Variants in LYSMD2 observed in about 807,000 individuals in gnomAD.
LYSMD2 encodes lysM and putative peptidoglycan-binding domain-containing protein 2.
A neutral mutation model predicts 17.7 loss-of-function variants in LYSMD2; 6 were observed. The ratio of observed to expected loss-of-function variants is 0.34; its 90% CI spans 0.19 to 0.67. The LOEUF (loss-of-function observed/expected upper bound fraction) is 0.67. Ranked by LOEUF, LYSMD2 falls within the 30% of genes least tolerant of loss-of-function variation. LYSMD2 has a pLI of 0.69. For synonymous variants in LYSMD2, 102 were observed against 129.8 expected, an observed-to-expected ratio of 0.79 and a Z score of 1.45; for missense variants, 237 against 286.7, an observed-to-expected ratio of 0.83 and a Z score of 1.25.
intron 1 of LYSMD2, among the ~76,000 whole-genome samples, chr15:51,729,836 G>C (rs2055565534): frequency 6.6e-6 from 1 of 152,222 alleles, no homozygotes; most frequent in Admixed American, 6.5e-5. Flanking sequence ...ATAAAGCTAA[G>C]AAAAGTCATG....
At chr15:51,735,817 C>A (rs1428282684) in intron 1 of LYSMD2, among the ~76,000 whole-genome samples, 1 of 152,142 alleles carries the variant, frequency 6.6e-6, no homozygotes, top group South Asian at 2.1e-4. Flanking sequence ...AGAGATTGCA[C>A]GGGAAGACAG....
chr15:51,737,684 C>G (rs920880825), upstream of LYSMD2: 3 of 1,070,114 alleles, frequency 2.8e-6, no homozygotes, highest in East Asian at 1.1e-4. This position sits in a 1 kb window ranked among gnomAD's most constrained non-coding sequence, Gnocchi z 4.2. Flanking sequence ...CCTCCTCCTC[C>G]GCCGCCGCCG....
chr15:51,724,914 G>T lies in LYSMD2; in HGVS notation c.481C>A (p.Pro161Thr). The T allele has an allele frequency of 6.2e-7, 1 of 1,614,126 alleles. No individual in the cohort carries two copies. Among genetic ancestry groups the T allele is most frequent in the Non-Finnish European group, 8.5e-7 (1 of 1,179,992 alleles). ...VAGEDLPPPS[P>T]QESDVQPVQP... ...ACAGGCTGAACATCAGATTCTTGAG[G>T]ACTGGGAGGAGGGAGGTCTTCCCCG... Residue 161 changes from proline to threonine, a missense_variant, in exon 2 of 3, where the codon CCT becomes ACT. Pro to Thr is a conservative substitution (Grantham distance 38). Coordinates refer to ENST00000267838, the MANE Select transcript of LYSMD2 (RefSeq NM_153374.3).
rs2055529427 is a variant in LYSMD2, at chr15:51,725,017, A to G, written c.378T>C (p.Asn126=). 1 of 1,614,082 alleles carries G rather than the reference A, an allele frequency of 6.2e-7. No homozygotes were observed. Among genetic ancestry groups the G allele is most frequent in the Non-Finnish European group, 8.5e-7 (1 of 1,179,890 alleles). Reference sequence around the variant, plus strand: ...CTGGAGAATCAATGGAGTTAAGTCCATTAAACAACAAAGGCTTCTCTGATA... The same window carrying G: ...CTGGAGAATCAATGGAGTTAAGTCCGTTAAACAACAAAGGCTTCTCTGATA... The part of the protein sequence containing the change: ...PVISEKPLLF[N]GLNSIDSPEN... The change falls in exon 2 of 3, where the codon AAT becomes AAC. Residue 126 remains asparagine, a synonymous_variant. Transcript: ENST00000267838.
intron 1 of LYSMD2, among the ~76,000 whole-genome samples, chr15:51,744,883 A>C (rs2055659659): frequency 6.6e-6 from 1 of 152,150 alleles, no homozygotes; most frequent in African/African-American, 2.4e-5. Context: ...AGTCTGACCA[A>C]GAAAAAAAAG....
chr15:51,738,728 T>C (rs1001874831), upstream of LYSMD2, among the ~76,000 whole-genome samples: 1 of 152,288 alleles, frequency 6.6e-6, no homozygotes, highest in East Asian at 1.9e-4. Flanking sequence ...TATGTTGCTG[T>C]GCTGGACAGA....
chr15:51,742,279 A>T (rs941178473), upstream of LYSMD2, among the ~76,000 whole-genome samples: 1 of 152,146 alleles, frequency 6.6e-6, no homozygotes, highest in South Asian at 2.1e-4. Context: ...ACGTCAGGTG[A>T]TCTACCCACC....
At chr15:51,735,638 T>C (rs1346207736) in intron 1 of LYSMD2, among the ~76,000 whole-genome samples, 1 of 152,256 alleles carries the variant, frequency 6.6e-6, no homozygotes, top group Non-Finnish European at 1.5e-5. Flanking sequence ...AAATCTGATC[T>C]ACACTTTAAT....
rs369713086 is a variant in LYSMD2 at position 51,750,544 on chromosome 15, C to A, written c.-1+727G>T. Among the ~76,000 whole-genome samples the A allele has an allele frequency of 9.2e-5, 14 of 152,296 alleles. No individual in the cohort carries two copies. In the East Asian group the frequency reaches 2.1e-3, roughly 23 times the overall value. On this transcript the variant is annotated intron_variant, in intron 1 of 2. Transcript: ENST00000454181. The stretch of plus-strand genomic sequence containing the variant: ...TGAAACACTGCATAGCAGCAACTTG[C>A]AAAACTCAACGAACCTTAGACTGCC...
At chr15:51,748,998 C>A (rs1215823353) in intron 1 of LYSMD2, among the ~76,000 whole-genome samples, 1 of 152,210 alleles carries the variant, frequency 6.6e-6, no homozygotes, top group Non-Finnish European at 1.5e-5. Flanking sequence ...TTGACAATTA[C>A]AGTCAATATA....
intron 1 of LYSMD2, among the ~76,000 whole-genome samples, 182 bp from the exon 2 acceptor site, chr15:51,725,303 T>C (rs1462675209): frequency 6.6e-6 from 1 of 152,248 alleles, no homozygotes; most frequent in African/African-American, 2.4e-5. Flanking sequence ...CAAGAGATGT[T>C]GGAGAATTGT....
upstream of LYSMD2, among the ~76,000 whole-genome samples, chr15:51,741,588 C>T (rs1017741357): frequency 1.3e-5 from 2 of 152,138 alleles, no homozygotes; most frequent in African/African-American, 4.8e-5. Context: ...ATAAAATTCA[C>T]CATTTTAACT....
chr15:51,737,929 C>G (rs946787526), upstream of LYSMD2: 3 of 212,648 alleles, frequency 1.4e-5, no homozygotes, highest in African/African-American at 6.9e-5. This position sits in a 1 kb window ranked among gnomAD's most constrained non-coding sequence, Gnocchi z 4.2. Context: ...AGCGCTGAAG[C>G]CCGCGGCCGT....
In LYSMD2 at chr15:51,737,478, T is replaced by C. The variant is rs1465684207; in HGVS notation, c.145A>G (p.Thr49Ala). ...ELSLSLARTK[T>A]RSYGSTASVR... ...CTGGCGGTGCTGCCGTACGAGCGGG[T>C]CTTGGTGCGGGCCAGGCTCAGCGAC... Residue 49 changes from threonine (T) to alanine (A), a missense_variant, in exon 1 of 3, where the codon ACC becomes GCC. Coordinates refer to ENST00000267838, the MANE Select transcript of LYSMD2 (RefSeq NM_153374.3). This position sits in a 1 kb window ranked among gnomAD's most constrained non-coding sequence, Gnocchi z 4.2. 14 of 1,416,066 alleles carry C rather than the reference T, an allele frequency of 9.9e-6. No homozygotes were observed. In the South Asian group the frequency reaches 1.8e-4, roughly 19 times the overall value. The allele number at this position is 1,416,066 out of a possible 1,614,324, so 87.7% of individuals were successfully genotyped here. A position where few individuals can be genotyped will look rare whatever the true frequency, so the allele number is the denominator to read the frequency against.
intron 1 of LYSMD2, among the ~76,000 whole-genome samples, chr15:51,731,567 A>G (rs1032151997): frequency 2.0e-5 from 3 of 152,248 alleles, no homozygotes; most frequent in African/African-American, 4.8e-5. Flanking sequence ...TCCTGGGAAT[A>G]AAACTGGCTA....
At chr15:51,747,017 TAAAAAA>T (rs1050919768) in intron 1 of LYSMD2, among the ~76,000 whole-genome samples, 11 of 65,794 alleles carry the variant, frequency 1.7e-4, no homozygotes, top group South Asian at 5.9e-4. Flanking sequence ...CTGTCTCTAC[TAAAAAA>T]AAAAAAAAAA....
At chr15:51,738,847 T>TA (rs2055629110), upstream of LYSMD2, among the ~76,000 whole-genome samples, 1 of 152,204 alleles carries the variant, frequency 6.6e-6, no homozygotes, top group African/African-American at 2.4e-5. Flanking sequence ...ACAGCATTAC[T>TA]AAAAACCTAC....
intron 1 of LYSMD2, among the ~76,000 whole-genome samples, chr15:51,729,602 G>A (rs916711778): frequency 6.6e-6 from 1 of 152,176 alleles, no homozygotes; most frequent in Admixed American, 6.5e-5. Context: ...GGGATTACAG[G>A]TGCATGCCAC....
chr15:51,743,840 A>C (rs2055654583), intron 1 of LYSMD2, among the ~76,000 whole-genome samples: 1 of 152,204 alleles, frequency 6.6e-6, no homozygotes, highest in African/African-American at 2.4e-5. Flanking sequence ...TGTATACCTA[A>C]GTATTTATTT....
Sources: gnomAD v4.1 joint callset for allele counts (sites outside exome capture counted in the v4.1 genomes callset) on GRCh38, gnomAD v4.1.1 for gene constraint, Gnocchi (gnomAD v3.1) non-coding constraint, MANE v1.5 for transcripts, NCBI Gene and HGNC (gene_info 2026-07-23, HGNC 2026-07-21) for gene names.